The following CCNY variants were observed in gnomAD, a reference collection of about 807,000 sequenced individuals.
CCNY encodes the protein cyclin-Y.
In CCNY, 19 loss-of-function variants were observed where a neutral mutation model predicts 42.8. The ratio of observed to expected loss-of-function variants is 0.44; its 90% CI spans 0.31 to 0.65. CCNY has a LOEUF of 0.65. Ranked by LOEUF, CCNY falls within the 30% of genes least tolerant of loss-of-function variation. The pLI, the probability that CCNY is intolerant of heterozygous loss-of-function variation, is 0.07. For missense variants in CCNY, 370 were observed against 437.3 expected, an observed-to-expected ratio of 0.85 and a Z score of 1.37; for synonymous variants, 165 against 162.7, an observed-to-expected ratio of 1.01 and a Z score of -0.11.
chr10:35,474,627 C>G (rs1036180283), intron 1 of CCNY, among the ~76,000 whole-genome samples: 1 of 152,030 alleles, frequency 6.6e-6, no homozygotes, highest in Non-Finnish European at 1.5e-5. Flanking sequence ...AAAAGACATC[C>G]ACACCAAAAA....
intron 1 of CCNY, among the ~76,000 whole-genome samples, chr10:35,370,582 G>A (rs1251076124): frequency 6.6e-6 from 1 of 151,984 alleles, no homozygotes; most frequent in Non-Finnish European, 1.5e-5. Context: ...ATAATGACTA[G>A]GAATCTTCTC....
At chr10:35,553,440 G>C (rs1312087330) in intron 8 of CCNY, among the ~76,000 whole-genome samples, 1 of 152,082 alleles carries the variant, frequency 6.6e-6, no homozygotes, top group Non-Finnish European at 1.5e-5. Context: ...AAACTATATT[G>C]TAGGCAAACA....
At chr10:35,506,179 A>G (rs1401520165) in intron 3 of CCNY, among the ~76,000 whole-genome samples, 1 of 152,228 alleles carries the variant, frequency 6.6e-6, no homozygotes, top group East Asian at 1.9e-4. Context: ...AAGTTTTTAA[A>G]ATATCAGTAA....
intron 1 of CCNY, among the ~76,000 whole-genome samples, chr10:35,432,344 C>T (rs779646046): frequency 9.2e-5 from 14 of 152,126 alleles, no homozygotes; most frequent in Non-Finnish European, 1.5e-4. Flanking sequence ...TACCAAAGAA[C>T]CTAAGAGTGC....
intron 1 of CCNY, among the ~76,000 whole-genome samples, chr10:35,418,181 G>A (rs1485720060): frequency 6.6e-6 from 1 of 152,182 alleles, no homozygotes; most frequent in Non-Finnish European, 1.5e-5. Flanking sequence ...CAGGGCTTGT[G>A]AATATCAACA....
intron 1 of CCNY, among the ~76,000 whole-genome samples, chr10:35,397,019 T>C (rs1837540943): frequency 6.6e-6 from 1 of 152,184 alleles, no homozygotes; most frequent in African/African-American, 2.4e-5. Context: ...GGGAGCAGGT[T>C]CTTAGCACTG....
At chr10:35,557,634 T>C (rs1841386182) in intron 8 of CCNY, among the ~76,000 whole-genome samples, 1 of 152,112 alleles carries the variant, frequency 6.6e-6, no homozygotes, top group Non-Finnish European at 1.5e-5. Context: ...CGCTCACCTG[T>C]AGTCCCAGCT....
rs182743861 is a variant in CCNY at position 35,463,390 on chromosome 10, G to T, written c.155-20014G>T. 5.6e-4 allele frequency among the ~76,000 whole-genome samples: 86 copies of T among 152,308 alleles called. 1 individual carries two copies. Among genetic ancestry groups the T allele is most frequent in the Admixed American group, 5.6e-3 (86 of 15,306 alleles). ...ATCTGTTACCTCAGTAACAATGGAC[G>T]TAGAATATGCTAACTCAGGTGATCC... On this transcript the variant is annotated intron_variant, in intron 1 of 9. Transcript: ENST00000374704.
intron 2 of CCNY, among the ~76,000 whole-genome samples, chr10:35,496,104 A>T (rs762342333): frequency 6.6e-6 from 1 of 152,270 alleles, no homozygotes; most frequent in Non-Finnish European, 1.5e-5. Context: ...CTATCTCAGC[A>T]ATCAGCTTCG....
chr10:35,443,723 T>G (rs1174427697), intron 1 of CCNY, among the ~76,000 whole-genome samples: 1 of 152,238 alleles, frequency 6.6e-6, no homozygotes, highest in Non-Finnish European at 1.5e-5. Flanking sequence ...CCCCCATCTT[T>G]TAGGCTAGAT....
rs181527387 is a variant in CCNY, at chr10:35,310,021, C to T, written c.-9+59395C>T. 5.4e-4 allele frequency among the ~76,000 whole-genome samples: 82 copies of T among 151,974 alleles called. 2 individuals are homozygous for T. The highest frequency in any genetic ancestry group is 5.2e-3 in the Admixed American group (80 of 15,264). ...TTCACCATGTTAGCCAGGATGGTCT[C>T]GATCTCCTGACCTTCTGATCCGCCC... On this transcript the variant is annotated intron_variant, in intron 3 of 11. Transcript: ENST00000374706.
In CCNY at chr10:35,468,465, C is replaced by G. The variant is rs1012654033; in HGVS notation, c.155-14939C>G. Among the ~76,000 whole-genome samples the G allele has an allele frequency of 2.6e-5, 4 of 152,132 alleles. No homozygotes were observed. In the South Asian group the frequency reaches 8.3e-4, roughly 32 times the overall value. Reference sequence around the variant, plus strand: ...ACAAACATGGTTCTTTTTTAAAACTCCCTTTTATTTTTTTCAGAGTATCTT... The same window carrying G: ...ACAAACATGGTTCTTTTTTAAAACTGCCTTTTATTTTTTTCAGAGTATCTT... On this transcript the variant is annotated intron_variant, in intron 1 of 9. Transcript: ENST00000374704.
intron 1 of CCNY, among the ~76,000 whole-genome samples, chr10:35,416,654 A>G (rs1023737237): frequency 9.2e-5 from 14 of 152,344 alleles, no homozygotes; most frequent in African/African-American, 3.1e-4. Flanking sequence ...TTTTTATTAT[A>G]TGAAATGATG....
At chr10:35,476,408 A>C (rs1340611848) in intron 1 of CCNY, among the ~76,000 whole-genome samples, 1 of 152,214 alleles carries the variant, frequency 6.6e-6, no homozygotes, top group Non-Finnish European at 1.5e-5. Context: ...CAGCAAATGT[A>C]AAAGAACAGA....
chr10:35,356,997 GT>G (rs1036053463), intron 1 of CCNY, among the ~76,000 whole-genome samples: 140 of 152,274 alleles, frequency 9.2e-4, no homozygotes, highest in Non-Finnish European at 1.2e-3. Flanking sequence ...GCCTCCCAGT[GT>G]TTTTCAAGCT....
chr10:35,524,516 C>T (rs926898257), intron 4 of CCNY, among the ~76,000 whole-genome samples: 2 of 152,188 alleles, frequency 1.3e-5, no homozygotes, highest in African/African-American at 2.4e-5. Flanking sequence ...GTCTCTAAGC[C>T]GGTGTGGCTG....
At chr10:35,472,616 A>G (rs1486712777) in intron 1 of CCNY, among the ~76,000 whole-genome samples, 1 of 152,212 alleles carries the variant, frequency 6.6e-6, no homozygotes, top group Non-Finnish European at 1.5e-5. Context: ...TGGATGAATG[A>G]ATGAATGAAA....
At chr10:35,549,711 C>G (rs77766397) in intron 7 of CCNY, among the ~76,000 whole-genome samples, 22 of 130,250 alleles carry the variant, frequency 1.7e-4, no homozygotes, top group African/African-American at 6.3e-4. Flanking sequence ...TGACCCTACA[C>G]TGCTTGTGAC....
At chr10:35,391,497 G>A (rs113116249) in intron 1 of CCNY, among the ~76,000 whole-genome samples, 1,582 of 152,268 alleles carry the variant, frequency 0.01, 23 homozygotes, top group African/African-American at 0.036. Flanking sequence ...CTGGCCGGAA[G>A]GTTGTTTACT....
Sources: allele counts gnomAD v4.1 joint callset (sites outside exome capture counted in the v4.1 genomes callset), GRCh38; gene constraint gnomAD v4.1.1; transcripts MANE v1.5; gene names NCBI Gene and HGNC (gene_info 2026-07-23, HGNC 2026-07-21).